The following F13A1 variants were observed in gnomAD, a reference collection of about 807,000 sequenced individuals.
F13A1 encodes the protein FSF, A subunit.
Under a neutral mutation model 80.1 loss-of-function variants are expected in F13A1, and 47 were observed. That is an observed-to-expected ratio of 0.59 (90% confidence interval 0.46 to 0.75). F13A1 has a LOEUF of 0.75. F13A1 is among the 30% of genes least tolerant of loss of function. The probability of loss-of-function intolerance (pLI) is 0.00; values close to 1 mark genes in which losing one functional copy is unlikely to be tolerated. For synonymous variants in F13A1, 349 were observed against 344.9 expected (o/e 1.01, Z -0.13); for missense variants, 817 against 930.4 (o/e 0.88, Z 1.59).
At chr6:6,192,777 C>T (rs9379015) in intron 10 of F13A1, among the ~76,000 whole-genome samples, 11,334 of 152,024 alleles carry the variant, frequency 0.075, 869 homozygotes, top group East Asian at 0.46. Flanking sequence ...ATCATCTCAG[C>T]GCCAGTGAGG....
intron 12 of F13A1, among the ~76,000 whole-genome samples, chr6:6,171,772 A>T (rs1399666020): frequency 1.3e-5 from 2 of 152,230 alleles, no homozygotes; most frequent in African/African-American, 4.8e-5. Flanking sequence ...TGCACCCAGC[A>T]CTGCCCCCTT....
rs3024378 is a variant in F13A1 at position 6,250,051 on chromosome 6, A to G, written c.690+760T>C. 0.45 allele frequency among the ~76,000 whole-genome samples: 68,523 copies of G among 152,014 alleles called. 17,567 individuals carry two copies. The highest frequency in any genetic ancestry group is 0.7 in the African/African-American group (28,807 of 41,422). ...AAGTACCCTGTGACCACCAGATTCC[A>G]TGAAAACTCCCTGCTGGATGCCCAG... On this transcript the variant is annotated intron_variant, in intron 5 of 14. Coordinates refer to ENST00000264870, the MANE Select transcript of F13A1 (RefSeq NM_000129.4). This position sits in a 1 kb window ranked among gnomAD's most constrained non-coding sequence, Gnocchi z 4.2.
chr6:6,227,272 A>G (rs1429234366), intron 6 of F13A1, among the ~76,000 whole-genome samples: 3 of 152,200 alleles, frequency 2.0e-5, no homozygotes, highest in Non-Finnish European at 4.4e-5. Flanking sequence ...TAGACATGCT[A>G]TCTTCCCCCT....
intron 8 of F13A1, among the ~76,000 whole-genome samples, chr6:6,201,866 A>G (rs1761400948): frequency 6.6e-6 from 1 of 152,160 alleles, no homozygotes; most frequent in Non-Finnish European, 1.5e-5. Flanking sequence ...GCTGCAATTC[A>G]TACGTGTCAG....
At chr6:6,235,894 A>C (rs1273293206) in intron 6 of F13A1, among the ~76,000 whole-genome samples, 2 of 152,128 alleles carry the variant, frequency 1.3e-5, no homozygotes, top group Admixed American at 1.3e-4. Flanking sequence ...AAATGGCCTA[A>C]ATGTCCATCC....
chr6:6,274,145 T>G (rs1435164965), intron 3 of F13A1, among the ~76,000 whole-genome samples: 1 of 152,214 alleles, frequency 6.6e-6, no homozygotes, highest in African/African-American at 2.4e-5. Context: ...GGAAACTTTG[T>G]GAAGACAGAG....
intron 3 of F13A1, among the ~76,000 whole-genome samples, chr6:6,300,571 G>T (rs540420294): frequency 6.6e-6 from 1 of 152,174 alleles, no homozygotes; most frequent in African/African-American, 2.4e-5. Flanking sequence ...TGCACTTCCT[G>T]AGTGAGGCAA....
chr6:6,272,914 A>AAAAC (rs1413604760), intron 3 of F13A1, among the ~76,000 whole-genome samples: 2 of 152,336 alleles, frequency 1.3e-5, no homozygotes, highest in Middle Eastern at 3.4e-3. Flanking sequence ...CTACCCACAC[A>AAAAC]AAAGCACAGC....
At chr6:6,202,316 T>C (rs564197229) in intron 8 of F13A1, among the ~76,000 whole-genome samples, 14 of 152,226 alleles carry the variant, frequency 9.2e-5, no homozygotes, top group Admixed American at 2.0e-4. Context: ...ATAAGAGTTT[T>C]TCTGTTTTCA....
At chr6:6,272,959 T>C (rs1757942285) in intron 3 of F13A1, among the ~76,000 whole-genome samples, 1 of 152,186 alleles carries the variant, frequency 6.6e-6, no homozygotes, top group Non-Finnish European at 1.5e-5. Flanking sequence ...GACTCCTATG[T>C]AAGAAAAGCT....
intron 14 of F13A1, among the ~76,000 whole-genome samples, chr6:6,151,401 G>A (rs1760370970): frequency 6.6e-6 from 1 of 152,156 alleles, no homozygotes; most frequent in South Asian, 2.1e-4. Context: ...CACGTGGTAG[G>A]AGCTCAATAA....
intron 8 of F13A1, among the ~76,000 whole-genome samples, chr6:6,206,888 G>A (rs1761498722): frequency 6.6e-6 from 1 of 150,704 alleles, no homozygotes; most frequent in South Asian, 2.1e-4. Flanking sequence ...AAAATGTAAA[G>A]CACCTTAGCA....
intron 4 of F13A1, among the ~76,000 whole-genome samples, chr6:6,259,594 A>G (rs1757750198): frequency 6.6e-6 from 1 of 152,222 alleles, no homozygotes; most frequent in Non-Finnish European, 1.5e-5. Flanking sequence ...CTCCCAGCAC[A>G]CCAGATATGT....
At chr6:6,244,945 G>A (rs568547630) in intron 6 of F13A1, among the ~76,000 whole-genome samples, 1 of 152,316 alleles carries the variant, frequency 6.6e-6, no homozygotes, top group Non-Finnish European at 1.5e-5. Context: ...TGAGAAGAGA[G>A]TGTTACTTAC....
At chr6:6,235,363 A>T (rs1269453484) in intron 6 of F13A1, among the ~76,000 whole-genome samples, 1 of 152,032 alleles carries the variant, frequency 6.6e-6, no homozygotes, top group South Asian at 2.1e-4. Context: ...GTGGAAGAAG[A>T]TATTTGTAAA....
intron 11 of F13A1, among the ~76,000 whole-genome samples, chr6:6,178,394 G>A (rs1392798207): frequency 6.6e-6 from 1 of 152,144 alleles, no homozygotes; most frequent in South Asian, 2.1e-4. Flanking sequence ...ATTTCAGAGG[G>A]GACATTTAGA....
chr6:6,244,034 C>T (rs1424972198), intron 6 of F13A1, among the ~76,000 whole-genome samples: 5 of 152,202 alleles, frequency 3.3e-5, no homozygotes, highest in African/African-American at 1.2e-4. Flanking sequence ...GCACAGCCTT[C>T]CCTTTTCCCC....
intron 6 of F13A1, among the ~76,000 whole-genome samples, chr6:6,225,310 T>C (rs1757261093): frequency 6.6e-6 from 1 of 152,154 alleles, no homozygotes; most frequent in Non-Finnish European, 1.5e-5. Flanking sequence ...CTAATGGATT[T>C]TGACTTTCAT....
chr6:6,183,078 CTG>C (rs1761017661), intron 10 of F13A1, among the ~76,000 whole-genome samples: 1 of 152,134 alleles, frequency 6.6e-6, no homozygotes, highest in Non-Finnish European at 1.5e-5. Flanking sequence ...TGAAAGCTGA[CTG>C]TACCAGAGTC....
Sources: allele counts gnomAD v4.1 joint callset (sites outside exome capture counted in the v4.1 genomes callset), GRCh38; gene constraint gnomAD v4.1.1; non-coding constraint Gnocchi (gnomAD v3.1); transcripts MANE v1.5; gene names NCBI Gene and HGNC (gene_info 2026-07-23, HGNC 2026-07-21).